Variants in CHST9 observed in about 807,000 individuals in gnomAD.
CHST9 encodes the protein GalNAc-4-sulfotransferase 2.
CHST9 carries 41 observed loss-of-function variants against 44.4 expected under a neutral mutation model. The ratio of observed to expected loss-of-function variants is 0.92; its 90% CI spans 0.72 to 1.20. The LOEUF (loss-of-function observed/expected upper bound fraction) is 1.20, where lower values mean the gene tolerates loss of function less well. CHST9 is among the 50% of genes most tolerant of loss of function. CHST9 has a pLI of 0.00. For synonymous variants in CHST9, 171 were observed against 178.4 expected, an observed-to-expected ratio of 0.96 and a Z score of 0.33; for missense variants, 504 against 516.5, an observed-to-expected ratio of 0.98 and a Z score of 0.23.
chr18:27,008,541 C>T (rs935171703), intron 4 of CHST9, among the ~76,000 whole-genome samples: 2 of 152,190 alleles, frequency 1.3e-5, no homozygotes, highest in African/African-American at 4.8e-5. Flanking sequence ...TTGTAGTTCT[C>T]CACCACTTAA....
At chr18:27,030,522 A>G (rs531490367) in intron 3 of CHST9, among the ~76,000 whole-genome samples, 1 of 152,292 alleles carries the variant, frequency 6.6e-6, no homozygotes, top group East Asian at 1.9e-4. Flanking sequence ...GGCGAGATGC[A>G]AGATCAGTGT....
intron 4 of CHST9, among the ~76,000 whole-genome samples, chr18:27,018,832 A>T (rs765468863): frequency 8.5e-5 from 13 of 152,218 alleles, no homozygotes; most frequent in Non-Finnish European, 1.3e-4. Flanking sequence ...CCAGGCAAGC[A>T]GGAGAGAGAG....
rs59671204 is a variant in CHST9 at position 26,975,725 on chromosome 18, GTATATATATATATATA to G, written c.203-31375_203-31360del. Among the ~76,000 whole-genome samples, 764 of 101,834 alleles carry G rather than the reference GTATATATATATATATA, an allele frequency of 7.5e-3. 11 individuals are homozygous for G. The highest frequency in any genetic ancestry group is 0.019 in the African/African-American group (511 of 27,294). The allele number at this position is 101,834 out of a possible 152,430, so 66.8% of individuals were successfully genotyped here. ...TGTGTATATATGTGTGTGTGTGTGT[GTATATATATATATATA>G]TATATATATATATATATATATATAA... On this transcript the variant is annotated intron_variant, in intron 4 of 5. Coordinates refer to ENST00000618847, the MANE Select transcript of CHST9 (RefSeq NM_031422.6).
At chr18:26,932,846 G>A (rs746046086) in intron 5 of CHST9, 17 of 153,672 alleles carry the variant, frequency 1.1e-4, no homozygotes, top group South Asian at 2.1e-4. Flanking sequence ...TAACTTATCA[G>A]ATGGATGTTC....
At chr18:26,918,340 A>C (rs758344177) in intron 5 of CHST9, among the ~76,000 whole-genome samples, 1 of 152,142 alleles carries the variant, frequency 6.6e-6, no homozygotes, top group Non-Finnish European at 1.5e-5. Flanking sequence ...GGATATATAC[A>C]TATAGGGTTG....
At chr18:27,151,161 A>G (rs191185109) in intron 1 of CHST9, among the ~76,000 whole-genome samples, 11 of 152,202 alleles carry the variant, frequency 7.2e-5, no homozygotes, top group Non-Finnish European at 1.6e-4. Flanking sequence ...TTATTATTTC[A>G]TTTACTAGTT....
At chr18:26,999,503 T>C (rs891556453) in intron 4 of CHST9, among the ~76,000 whole-genome samples, 11 of 152,276 alleles carry the variant, frequency 7.2e-5, no homozygotes, top group African/African-American at 2.6e-4. Flanking sequence ...GTCCATATCA[T>C]TGATATTGAC....
At position 27,173,616 on chromosome 18, in the gene CHST9, T is replaced by A. The variant is rs893510076; in HGVS notation, c.-97+11520A>T. On this transcript the variant is annotated intron_variant, in intron 1 of 5. Transcript: ENST00000618847. ...TGTCTCCTACATTGCCTGAAACATA[T>A]TCTTCTAAGGATAATTTTTTCTTTA... 1.3e-4 allele frequency among the ~76,000 whole-genome samples: 20 copies of A among 152,152 alleles called. No homozygotes were observed. The East Asian group carries it at 3.7e-3, about 28-fold the overall frequency.
At chr18:27,101,554 G>C (rs1473975043) in intron 2 of CHST9, among the ~76,000 whole-genome samples, 1 of 151,984 alleles carries the variant, frequency 6.6e-6, no homozygotes, top group Non-Finnish European at 1.5e-5. Context: ...AGCTTGCAGC[G>C]AGCCGAGATT....
chr18:26,918,345 G>A (rs1375366174), intron 5 of CHST9, among the ~76,000 whole-genome samples: 1 of 152,122 alleles, frequency 6.6e-6, no homozygotes, highest in Non-Finnish European at 1.5e-5. Flanking sequence ...TATACATATA[G>A]GGTTGTCAGC....
At chr18:27,181,340 A>C (rs1312472278) in intron 1 of CHST9, among the ~76,000 whole-genome samples, 1 of 152,186 alleles carries the variant, frequency 6.6e-6, no homozygotes, top group Non-Finnish European at 1.5e-5. Flanking sequence ...CTTTTGAAAA[A>C]CACAATAGAA....
chr18:27,179,586 G>A (rs1318662678), intron 1 of CHST9, among the ~76,000 whole-genome samples: 1 of 152,024 alleles, frequency 6.6e-6, no homozygotes, highest in Non-Finnish European at 1.5e-5. Context: ...GGCTTTTAGT[G>A]TATATGGGGG....
intron 3 of CHST9, among the ~76,000 whole-genome samples, chr18:27,033,279 C>T (rs1311879832): frequency 2.6e-5 from 4 of 152,228 alleles, no homozygotes; most frequent in Non-Finnish European, 5.9e-5. Flanking sequence ...TTGTCATCTG[C>T]TGTCCTCAAC....
chr18:27,097,179 A>G (rs567017151), intron 2 of CHST9, among the ~76,000 whole-genome samples: 1 of 152,088 alleles, frequency 6.6e-6, no homozygotes, highest in African/African-American at 2.4e-5. Flanking sequence ...AAACCATATG[A>G]TCATCTCAAT....
intron 3 of CHST9, among the ~76,000 whole-genome samples, chr18:27,043,062 T>C (rs2057462938): frequency 6.6e-6 from 1 of 152,030 alleles, no homozygotes; most frequent in South Asian, 2.1e-4. Context: ...TAACTTTCTG[T>C]CTTTCTTGGA....
chr18:26,966,736 A>G (rs2056470164), intron 4 of CHST9, among the ~76,000 whole-genome samples: 2 of 152,174 alleles, frequency 1.3e-5, no homozygotes, highest in South Asian at 4.1e-4. Context: ...GGTGGAGAAG[A>G]TCCCAAGTTG....
At chr18:27,183,513 G>A (rs2058930113) in intron 1 of CHST9, among the ~76,000 whole-genome samples, 1 of 152,060 alleles carries the variant, frequency 6.6e-6, no homozygotes, top group Non-Finnish European at 1.5e-5. Flanking sequence ...TCTGGAGGAC[G>A]GTACTGTAAT....
At chr18:27,099,850 A>G (rs2058153510) in intron 2 of CHST9, among the ~76,000 whole-genome samples, 1 of 152,088 alleles carries the variant, frequency 6.6e-6, no homozygotes, top group African/African-American at 2.4e-5. Context: ...CAGAACTAAC[A>G]TTTCACCCAG....
intron 2 of CHST9, among the ~76,000 whole-genome samples, chr18:27,133,077 T>C (rs2058485470): frequency 1.3e-5 from 2 of 152,206 alleles, no homozygotes. Flanking sequence ...CCCTGGACGA[T>C]AAATTTACTG....
Sources: gnomAD v4.1 joint callset for allele counts (sites outside exome capture counted in the v4.1 genomes callset) on GRCh38, gnomAD v4.1.1 for gene constraint, MANE v1.5 for transcripts, NCBI Gene and HGNC (gene_info 2026-07-23, HGNC 2026-07-21) for gene names.